The following VPS35L variants were observed in gnomAD, a reference collection of about 807,000 sequenced individuals.
VPS35L encodes VPS35 endosomal protein sorting factor like, also known as VPS35 endosomal protein-sorting factor-like.
In VPS35L, 83 loss-of-function variants were observed where a neutral mutation model predicts 133.0. That is an observed-to-expected ratio of 0.62 (90% confidence interval 0.52 to 0.75). The LOEUF is 0.75. Among genes scored for constraint, VPS35L ranks in the 30% least tolerant of loss-of-function variants. VPS35L has a pLI of 0.00. For synonymous variants in VPS35L, 423 were observed against 449.9 expected, an observed-to-expected ratio of 0.94 and a Z score of 0.76; for missense variants, 1,083 against 1,206.8, an observed-to-expected ratio of 0.90 and a Z score of 1.52.
chr16:19,576,246 G>A (rs1417646752), intron 5 of VPS35L, among the ~76,000 whole-genome samples: 1 of 151,894 alleles, frequency 6.6e-6, no homozygotes, highest in African/African-American at 2.4e-5. Flanking sequence ...AATTACAGAG[G>A]AAGTAGTCTC....
intron 29 of VPS35L, among the ~76,000 whole-genome samples, chr16:19,695,076 G>A (rs192593303): frequency 1.3e-3 from 203 of 151,394 alleles, no homozygotes; most frequent in African/African-American, 4.6e-3. Context: ...AAAGTGCTGC[G>A]GATTCTGGGC....
chr16:19,621,343 G>T (rs1199513901), intron 14 of VPS35L, among the ~76,000 whole-genome samples: 1 of 152,172 alleles, frequency 6.6e-6, no homozygotes, highest in Non-Finnish European at 1.5e-5. Flanking sequence ...GGGGACATTC[G>T]CATCTTTCTT....
At chr16:19,667,244 G>A (rs1974724199) in intron 26 of VPS35L, among the ~76,000 whole-genome samples, 1 of 152,026 alleles carries the variant, frequency 6.6e-6, no homozygotes, top group South Asian at 2.1e-4. Context: ...TTACAGGCGT[G>A]AGCTACCGTA....
chr16:19,663,669 CTTTTT>C (rs59826351), intron 26 of VPS35L, among the ~76,000 whole-genome samples: 1 of 63,916 alleles, frequency 1.6e-5, no homozygotes. Context: ...GCAGTAATTT[CTTTTT>C]TTTTTTTTTT....
At chr16:19,597,465 C>T (rs1304793321) in intron 8 of VPS35L, among the ~76,000 whole-genome samples, 3 of 152,090 alleles carry the variant, frequency 2.0e-5, no homozygotes, top group Non-Finnish European at 2.9e-5. Flanking sequence ...GCCAAGAAAC[C>T]GATAGAAATG....
At chr16:19,612,338 C>G (rs1436806980) in intron 12 of VPS35L, among the ~76,000 whole-genome samples, 1 of 152,192 alleles carries the variant, frequency 6.6e-6, no homozygotes, top group Non-Finnish European at 1.5e-5. Flanking sequence ...ACTGCAACCT[C>G]TGCCTCCTGG....
rs776730635 is a variant in VPS35L, at chr16:19,628,664, A to G, written c.1411A>G (p.Asn471Asp). 1 of 1,598,622 alleles carries G rather than the reference A, an allele frequency of 6.3e-7. No individual in the cohort carries two copies. Among genetic ancestry groups the G allele is most frequent in the Admixed American group, 1.7e-5 (1 of 59,236 alleles). Residue 471 changes from asparagine (N) to aspartate (D), a missense_variant, in exon 17 of 31, where the codon AAC becomes GAC. Asn to Asp is a conservative substitution (Grantham distance 23, BLOSUM62 1). Coordinates refer to ENST00000417362, the MANE Select transcript of VPS35L (RefSeq NM_020314.7). ...KHLLFRSLGL[N>D]LALADPPESD... is the part of the protein sequence containing the mutation. ...TCTTCTTTTTCGATCACTGGGATTA[A>G]ACTTGGCCTTGGCTGATCCTCCTGA...
chr16:19,615,339 G>A (rs1472616174), intron 12 of VPS35L, among the ~76,000 whole-genome samples: 1 of 152,060 alleles, frequency 6.6e-6, no homozygotes, highest in African/African-American at 2.4e-5. Flanking sequence ...TCTTATAAAA[G>A]CAATACATGT....
chr16:19,559,685 AT>A (rs1567378904), intron 1 of VPS35L, among the ~76,000 whole-genome samples: 1 of 152,000 alleles, frequency 6.6e-6, no homozygotes, highest in Admixed American at 6.6e-5. Flanking sequence ...AGGAAAATAA[AT>A]TTTTTTTAAG....
chr16:19,651,109 T>C (rs1210981028), intron 25 of VPS35L, among the ~76,000 whole-genome samples: 2 of 152,152 alleles, frequency 1.3e-5, no homozygotes, highest in Non-Finnish European at 2.9e-5. Context: ...TTCGAACTCC[T>C]GTCCTCAAGT....
chr16:19,611,601 AAGTC>A (rs1972722358), intron 12 of VPS35L: 1 of 152,154 alleles, frequency 6.6e-6, no homozygotes, highest in Non-Finnish European at 1.5e-5. Context: ...ACGAAAAACT[AAGTC>A]AGTGCCCTCA....
intron 9 of VPS35L, among the ~76,000 whole-genome samples, chr16:19,605,428 T>G (rs1470180702): frequency 6.6e-6 from 1 of 152,198 alleles, no homozygotes; most frequent in Non-Finnish European, 1.5e-5. Context: ...CCCAGAACCC[T>G]TCAGGGGGTT....
intron 28 of VPS35L, 142 bp from the exon 29 acceptor site, chr16:19,691,211 G>A (rs1165089841): frequency 1.2e-5 from 8 of 670,414 alleles, no homozygotes; most frequent in Non-Finnish European, 1.9e-5. Flanking sequence ...AAGCCCAGTG[G>A]GAAATTTCCG....
Position 19,617,304 on chromosome 16 carries a change from G to T in VPS35L, c.1224+496G>T. 8 of 259,046 alleles carry T rather than the reference G, an allele frequency of 3.1e-5. No homozygotes were observed. In the South Asian group the frequency reaches 4.3e-4, roughly 14 times the overall value. 16.0% of individuals were successfully genotyped at this position (259,046 alleles called of 1,614,324 possible). The stretch of plus-strand genomic sequence containing the variant: ...GCCCCAGAGTTCAAGGCTACAATGA[G>T]CTGTGACTGTACTACTGCACTCCAG... On this transcript the variant is annotated intron_variant, in intron 14 of 30. Coordinates refer to ENST00000417362, the MANE Select transcript of VPS35L (RefSeq NM_020314.7).
At chr16:19,622,140 C>CTTTTTTT (rs60521137) in intron 14 of VPS35L, among the ~76,000 whole-genome samples, 3 of 107,918 alleles carry the variant, frequency 2.8e-5, no homozygotes, top group Admixed American at 1.1e-4. Flanking sequence ...CCATGTATAT[C>CTTTTTTT]TTTTTTTTTT....
Position 19,569,515 on chromosome 16 carries a change from G to A in VPS35L, c.209G>A (p.Ser70Asn). Reference sequence around the variant, plus strand: ...TCCAGCTCCGTGGTGGACCCGCTGAGCAGCGTCCTCGATGGGACTGACCCC... The same window carrying A: ...TCCAGCTCCGTGGTGGACCCGCTGAACAGCGTCCTCGATGGGACTGACCCC... ...SSSSSVVDPL[S>N]SVLDGTDPLS... is the part of the protein sequence containing the mutation. Residue 70 changes from serine (S) to asparagine (N), a missense_variant, in exon 3 of 31, where the codon AGC (serine) becomes AAC (asparagine). Coordinates refer to ENST00000417362, the MANE Select transcript of VPS35L (RefSeq NM_020314.7). 6.2e-7 allele frequency: 1 copy of A among 1,610,762 alleles called. No individual in the cohort carries two copies. The highest frequency in any genetic ancestry group is 2.2e-5 in the East Asian group (1 of 44,850).
intron 3 of VPS35L, among the ~76,000 whole-genome samples, chr16:19,570,889 A>ATATTTT (rs1971360458): frequency 2.2e-5 from 2 of 91,850 alleles, no homozygotes; most frequent in Non-Finnish European, 4.2e-5. Flanking sequence ...ATATATATAT[A>ATATTTT]TTTTTGAGAT....
intron 27 of VPS35L, among the ~76,000 whole-genome samples, chr16:19,669,659 CTCTT>C (rs111817247): frequency 0.25 from 37,969 of 150,136 alleles, 5,003 homozygotes; most frequent in Non-Finnish European, 0.28. Flanking sequence ...CATCTTCTCT[CTCTT>C]TCTGTCTCTC....
Position 19,637,621 on chromosome 16 carries a change from G to GC in VPS35L, c.1666dup (p.His556ProfsTer4). 6.4e-7 allele frequency: 1 copy of GC among 1,573,158 alleles called. No homozygotes were observed. The highest frequency in any genetic ancestry group is 8.7e-7 in the Non-Finnish European group (1 of 1,155,252). On this transcript the variant is annotated frameshift_variant, in exon 20 of 31. Coordinates refer to ENST00000417362, the MANE Select transcript of VPS35L (RefSeq NM_020314.7). LOFTEE classifies it high-confidence loss of function. Reference sequence around the variant, plus strand: ...TCAGTTAATAATTAAGAAAGTTATTGCCCACTTCCATGACTTCTCAGTTCT... The same window carrying GC: ...TCAGTTAATAATTAAGAAAGTTATTGCCCCACTTCCATGACTTCTCAGTTCT...
Sources: gnomAD v4.1 joint callset for allele counts (sites outside exome capture counted in the v4.1 genomes callset) on GRCh38, gnomAD v4.1.1 for gene constraint, MANE v1.5 for transcripts, NCBI Gene and HGNC (gene_info 2026-07-23, HGNC 2026-07-21) for gene names.